CHN1: variants seen among roughly 807,000 people sequenced by gnomAD.
CHN1 encodes the protein N-chimaerin.
A neutral mutation model predicts 59.5 loss-of-function variants in CHN1; 37 were observed. The ratio of observed to expected loss-of-function variants is 0.62; its 90% confidence interval spans 0.48 to 0.82. The LOEUF is 0.82. CHN1 is among the 40% of genes least tolerant of loss of function. CHN1 has a pLI of 0.00. For synonymous variants in CHN1, 206 were observed against 200.4 expected (o/e 1.03, Z -0.24); for missense variants, 469 against 571.0 (o/e 0.82, Z 1.82).
chr2:174,862,205 C>T (rs1687087203), intron 6 of CHN1, among the ~76,000 whole-genome samples: 1 of 152,116 alleles, frequency 6.6e-6, no homozygotes, highest in African/African-American at 2.4e-5. Context: ...AAAGGGTATG[C>T]CTTTGTTGTT....
Position 174,800,128 on chromosome 2 carries a change from G to A in CHN1, c.1368C>T (p.Asp456=), listed in dbSNP as rs559753925. The change falls in exon 13 of 13, where the codon GAC becomes GAT. Residue 456 remains aspartate, a synonymous_variant. Coordinates refer to ENST00000409900, the MANE Select transcript of CHN1 (RefSeq NM_001822.7). ...TCAAATTAAAAATTTAAAATAAAAT[G>A]TCTTCGTTTTTGATAAGCAGCTCCA... ...LVVELLIKNE[D]ILF is the part of the protein sequence containing the mutation. The A allele has an allele frequency of 5.0e-4, 785 of 1,572,874 alleles. 15 individuals are homozygous for A. In the South Asian group the frequency reaches 8.9e-3, roughly 18 times the overall value.
At chr2:174,827,193 T>G (rs2105405545) in intron 7 of CHN1, among the ~76,000 whole-genome samples, 1 of 152,346 alleles carries the variant, frequency 6.6e-6, no homozygotes, top group Admixed American at 6.5e-5. Flanking sequence ...GGTTGATTAC[T>G]GTAGCCTTTG....
intron 3 of CHN1, among the ~76,000 whole-genome samples, chr2:174,938,560 CAG>C (rs1481608544): frequency 1.3e-5 from 2 of 152,082 alleles, no homozygotes; most frequent in African/African-American, 4.8e-5. Flanking sequence ...CTGGGAAAAA[CAG>C]AAAAACATTG....
At chr2:174,809,113 C>A (rs1263142945) in intron 10 of CHN1, 71 bp from the exon 11 acceptor site, 1 of 1,334,702 alleles carries the variant, frequency 7.5e-7, no homozygotes, top group Non-Finnish European at 1.0e-6. Context: ...AATGACATAT[C>A]TGTATACAAA....
At chr2:174,924,215 T>C (rs1002419041) in intron 3 of CHN1, among the ~76,000 whole-genome samples, 4 of 152,196 alleles carry the variant, frequency 2.6e-5, no homozygotes, top group Non-Finnish European at 5.9e-5. Flanking sequence ...TGTAAAGATG[T>C]ACTCTTCTAC....
intron 1 of CHN1, among the ~76,000 whole-genome samples, chr2:175,000,776 T>C (rs968788287): frequency 6.6e-6 from 1 of 152,060 alleles, no homozygotes; most frequent in African/African-American, 2.4e-5. Context: ...GTAGAGATGG[T>C]ATCTCCCTGT....
At chr2:174,945,170 C>T in intron 2 of CHN1, 1 of 527,738 alleles carries the variant, frequency 1.9e-6, no homozygotes, top group South Asian at 2.4e-5. Context: ...GTCTTTTTAC[C>T]TTATAACAAG....
At chr2:174,899,549 TTTTAA>T (rs1306917041) in intron 5 of CHN1, among the ~76,000 whole-genome samples, 5 of 152,220 alleles carry the variant, frequency 3.3e-5, no homozygotes, top group African/African-American at 7.2e-5. Flanking sequence ...AGTGGTTACC[TTTTAA>T]ATGGCTACAC....
At chr2:174,838,143 G>A (rs1019060637) in intron 7 of CHN1, among the ~76,000 whole-genome samples, 1 of 151,866 alleles carries the variant, frequency 6.6e-6, no homozygotes, top group Non-Finnish European at 1.5e-5. Flanking sequence ...GCCCAGGCTG[G>A]AGTGCAATGG....
chr2:174,915,333 C>G, intron 4 of CHN1, 162 bp from the exon 5 acceptor site: 1 of 617,292 alleles, frequency 1.6e-6, no homozygotes, highest in Non-Finnish European at 2.9e-6. Context: ...TTGTGTTTCT[C>G]TGGACCTGGC....
Position 174,931,697 on chromosome 2 carries a change from G to A in CHN1, c.115-13132C>T, listed in dbSNP as rs77602883. Among the ~76,000 whole-genome samples, 97 of 152,308 alleles carry A rather than the reference G, an allele frequency of 6.4e-4. 2 individuals carry two copies. The East Asian group carries it at 0.016, about 26-fold the overall frequency. ...AAAAGTGTTGTGAAGACAAGACAAA[G>A]TAGAACAGGAAAAGACTGGGAATGC... On this transcript the variant is annotated intron_variant, in intron 3 of 12. Coordinates refer to ENST00000409900, the MANE Select transcript of CHN1 (RefSeq NM_001822.7).
At chr2:174,847,123 G>A (rs1014166345) in intron 6 of CHN1, 166 bp from the exon 7 acceptor site, 5 of 1,548,554 alleles carry the variant, frequency 3.2e-6, no homozygotes, top group African/African-American at 2.7e-5. Flanking sequence ...AAGACTCTTT[G>A]GATGGCATTT....
At position 174,830,603 on chromosome 2, in the gene CHN1, G is replaced by A. The variant is rs1473568176; in HGVS notation, c.628-6085C>T. On this transcript the variant is annotated intron_variant, in intron 7 of 12. Transcript: ENST00000409900. The stretch of plus-strand genomic sequence containing the variant: ...GTCTTCTTGTCCTGATCAAATGGAT[G>A]TGTAATTGATGACCATGGCAGGAAA... 2.0e-5 allele frequency among the ~76,000 whole-genome samples: 3 copies of A among 152,180 alleles called. No individual in the cohort carries two copies. The East Asian group carries it at 5.8e-4, about 29-fold the overall frequency.
intron 1 of CHN1, among the ~76,000 whole-genome samples, chr2:174,972,017 G>C (rs910995125): frequency 6.6e-6 from 1 of 152,128 alleles, no homozygotes; most frequent in African/African-American, 2.4e-5. Context: ...AGTCCACAAG[G>C]GCCCGACAAC....
At chr2:174,968,992 T>G (rs1574225348) in intron 1 of CHN1, among the ~76,000 whole-genome samples, 1 of 152,334 alleles carries the variant, frequency 6.6e-6, no homozygotes, top group Non-Finnish European at 1.5e-5. Context: ...GCAGAAATAC[T>G]AATGTGTGAT....
intron 7 of CHN1, among the ~76,000 whole-genome samples, chr2:174,836,512 T>C (rs1686086319): frequency 6.6e-6 from 1 of 152,236 alleles, no homozygotes; most frequent in Non-Finnish European, 1.5e-5. Context: ...TTCAGGATTC[T>C]TTTGTCATCC....
At chr2:174,941,035 TA>T (rs1229640565) in intron 3 of CHN1, among the ~76,000 whole-genome samples, 3 of 152,238 alleles carry the variant, frequency 2.0e-5, no homozygotes, top group African/African-American at 7.2e-5. Context: ...TTTTTAATTT[TA>T]AAGTATAATT....
chr2:174,914,984 C>G, intron 5 of CHN1, 74 bp downstream of exon 5: 1 of 786,002 alleles, frequency 1.3e-6, no homozygotes, highest in Non-Finnish European at 2.0e-6. Context: ...ATGCTGAATG[C>G]TTTTAAAATT....
At chr2:174,864,598 C>T (rs1687160245) in intron 6 of CHN1, among the ~76,000 whole-genome samples, 3 of 152,120 alleles carry the variant, frequency 2.0e-5, no homozygotes, top group African/African-American at 2.4e-5. Context: ...TGGCTGGGCA[C>T]AGTGGCTCAT....
Sources: allele counts gnomAD v4.1 joint callset (sites outside exome capture counted in the v4.1 genomes callset), GRCh38; gene constraint gnomAD v4.1.1; transcripts MANE v1.5; gene names NCBI Gene and HGNC (gene_info 2026-07-23, HGNC 2026-07-21).